UGT2A3: variants seen among roughly 807,000 people sequenced by gnomAD.
The protein encoded by UGT2A3 is UDP-glucuronosyltransferase 2A3.
UGT2A3 carries 55 observed loss-of-function variants against 44.1 expected under a neutral mutation model. That is an observed-to-expected ratio of 1.25 (90% CI 1.00 to 1.56). UGT2A3 has a LOEUF of 1.56. Among genes scored for constraint, UGT2A3 ranks in the 40% most tolerant of loss-of-function variants. The probability of loss-of-function intolerance (pLI) is 0.00; values close to 1 mark genes in which losing one functional copy is unlikely to be tolerated. For synonymous variants in UGT2A3, 243 were observed against 215.1 expected (o/e 1.13, Z -1.13); for missense variants, 733 against 621.6 (o/e 1.18, Z -1.91).
At chr4:68,944,702 C>T (rs1235205337) in intron 2 of UGT2A3, among the ~76,000 whole-genome samples, 2 of 151,696 alleles carry the variant, frequency 1.3e-5, no homozygotes, top group Non-Finnish European at 2.9e-5. Flanking sequence ...TTTATTAAAC[C>T]TCACCTAACA....
At chr4:68,945,033 C>T (rs1718333496) in intron 2 of UGT2A3, among the ~76,000 whole-genome samples, 1 of 151,646 alleles carries the variant, frequency 6.6e-6, no homozygotes, top group Non-Finnish European at 1.5e-5. Context: ...TTCATGGCTC[C>T]AATTCCCTAT....
At chr4:68,935,313 T>TGC (rs1478591040) in intron 2 of UGT2A3, among the ~76,000 whole-genome samples, 25 of 133,756 alleles carry the variant, frequency 1.9e-4, no homozygotes, top group Non-Finnish European at 3.4e-4. Context: ...TATATATATA[T>TGC]ATATGCATAA....
chr4:68,943,233 G>A, intron 2 of UGT2A3: 1 of 773,446 alleles, frequency 1.3e-6, no homozygotes, highest in Non-Finnish European at 1.8e-6. Flanking sequence ...GTGTGTGTGT[G>A]TAAAACTGGG....
intron 2 of UGT2A3, chr4:68,943,496 G>A (rs911464039): frequency 1.7e-5 from 5 of 301,244 alleles, no homozygotes; most frequent in African/African-American, 4.6e-5. Context: ...CTTCCTTATA[G>A]GATTTTGATT....
chr4:68,935,371 G>A (rs1432781681), intron 2 of UGT2A3, among the ~76,000 whole-genome samples: 1 of 146,430 alleles, frequency 6.8e-6, no homozygotes, highest in Non-Finnish European at 1.5e-5. Flanking sequence ...TTGCTGTTCT[G>A]CAGTATTTGC....
At chr4:68,936,906 A>AAAAAAAAAAC (rs1717975567) in intron 2 of UGT2A3, among the ~76,000 whole-genome samples, 1 of 149,652 alleles carries the variant, frequency 6.7e-6, no homozygotes. Flanking sequence ...AAAAAAAAAA[A>AAAAAAAAAAC]AAAGCAGAGG....
chr4:68,932,894 A>G (rs1278701974), intron 2 of UGT2A3, 135 bp from the exon 3 acceptor site: 1 of 856,518 alleles, frequency 1.2e-6, no homozygotes, highest in Non-Finnish European at 1.8e-6. Context: ...ATGCTGACAC[A>G]CAGAACTATC....
rs1717720552 is a variant in UGT2A3 at position 68,931,149 on chromosome 4, AC to A, written c.1084+5del. On this transcript the variant is annotated splice_donor_5th_base_variant and intron_variant, in intron 4 of 5. Coordinates refer to ENST00000251566, the MANE Select transcript of UGT2A3 (RefSeq NM_024743.4). ...AGTTCATATTTTTACTTTCTCATAGACCTACCAAGAAGATCATTCTGGGGTA... is the reference window on the plus strand; with the variant it reads ...AGTTCATATTTTTACTTTCTCATAGACTACCAAGAAGATCATTCTGGGGTA... The A allele has an allele frequency of 6.2e-7, 1 of 1,608,880 alleles. No individual in the cohort carries two copies. The highest frequency in any genetic ancestry group is 2.2e-5 in the East Asian group (1 of 44,768).
rs1472173779 is a variant in UGT2A3, at chr4:68,929,202, A to C, written c.*611T>G. The C allele has an allele frequency of 6.6e-6, 1 of 152,252 alleles. No individual in the cohort carries two copies. Among genetic ancestry groups the C allele is most frequent in the Non-Finnish European group, 1.5e-5 (1 of 67,996 alleles). 9.4% of individuals were successfully genotyped at this position (152,252 alleles called of 1,614,324 possible). On this transcript the variant is annotated 3_prime_UTR_variant, in exon 6 of 6. Transcript: ENST00000251566. ...TATCATCAAGAAAACAGAAAAAAGT[A>C]TTGGTTGAGTGATGGCAGAAATGTA...
intron 2 of UGT2A3, among the ~76,000 whole-genome samples, chr4:68,934,127 C>T (rs1290746996): frequency 2.6e-5 from 4 of 151,702 alleles, no homozygotes; most frequent in Non-Finnish European, 5.9e-5. Context: ...TTTGAAAATG[C>T]TTAAATATCC....
At chr4:68,939,518 C>T (rs1718104201) in intron 2 of UGT2A3, among the ~76,000 whole-genome samples, 1 of 152,030 alleles carries the variant, frequency 6.6e-6, no homozygotes, top group Non-Finnish European at 1.5e-5. Context: ...GAAACGGATC[C>T]CTTCTTACAT....
chr4:68,942,504 G>GATAGATATATAT (rs1553902065), intron 2 of UGT2A3, among the ~76,000 whole-genome samples: 1 of 131,032 alleles, frequency 7.6e-6, no homozygotes, highest in Non-Finnish European at 1.6e-5. Context: ...TTCCACTGGA[G>GATAGATATATAT]ATATATATAT....
At position 68,951,656 on chromosome 4, in the gene UGT2A3, A is replaced by T. The variant is rs141992024; in HGVS notation, c.105T>A (p.His35Gln). 1 of 1,612,406 alleles carries T rather than the reference A, an allele frequency of 6.2e-7. No individual in the cohort carries two copies. The highest frequency in any genetic ancestry group is 8.5e-7 in the Non-Finnish European group (1 of 1,179,356). Residue 35 changes from histidine to glutamine, a missense_variant, in exon 1 of 6, where the codon CAT becomes CAA. Physicochemically the swap from His to Gln is conservative, Grantham distance 24. Transcript: ENST00000251566. Reference sequence around the variant, plus strand: ...CTAGAATGACCTTGACATTAAGCCAATGGCTCATGTCACAGGGCCACACCA... The same window carrying T: ...CTAGAATGACCTTGACATTAAGCCATTGGCTCATGTCACAGGGCCACACCA... ...KVLVWPCDMSHWLNVKVILEE... is the reference protein window; with the variant it reads ...KVLVWPCDMSQWLNVKVILEE...
intron 5 of UGT2A3, 92 bp from the exon 6 acceptor site, chr4:68,930,184 C>A (rs2109774513): frequency 7.5e-7 from 1 of 1,341,796 alleles, no homozygotes; most frequent in East Asian, 2.3e-5. Context: ...GTTATGCAAG[C>A]CAAGAACATG....
At chr4:68,946,147 G>C (rs1342500916) in intron 1 of UGT2A3, among the ~76,000 whole-genome samples, 1 of 151,540 alleles carries the variant, frequency 6.6e-6, no homozygotes, top group African/African-American at 2.4e-5. Flanking sequence ...TGTTTTGAAG[G>C]AAAACACATT....
intron 1 of UGT2A3, among the ~76,000 whole-genome samples, chr4:68,949,830 A>T (rs1367845710): frequency 1.3e-5 from 2 of 151,854 alleles, no homozygotes; most frequent in Non-Finnish European, 2.9e-5. Context: ...ATAATAATCA[A>T]TAATTTAGTA....
chr4:68,935,082 T>G (rs1037523264), intron 2 of UGT2A3, among the ~76,000 whole-genome samples: 6 of 151,302 alleles, frequency 4.0e-5, no homozygotes, highest in African/African-American at 1.5e-4. Flanking sequence ...TAATAAAGTC[T>G]CATTAAAAAA....
chr4:68,943,209 G>T, intron 2 of UGT2A3: 1 of 503,192 alleles, frequency 2.0e-6, no homozygotes, highest in Non-Finnish European at 3.1e-6. Flanking sequence ...GTGTGTGTTT[G>T]TGTGTGTGTG....
At chr4:68,947,869 T>C (rs1006817819) in intron 1 of UGT2A3, among the ~76,000 whole-genome samples, 1 of 151,838 alleles carries the variant, frequency 6.6e-6, no homozygotes, top group South Asian at 2.1e-4. Flanking sequence ...GCTTAAAATA[T>C]TCAATAAGCC....
Sources: allele counts gnomAD v4.1 joint callset (sites outside exome capture counted in the v4.1 genomes callset), GRCh38; gene constraint gnomAD v4.1.1; transcripts MANE v1.5; gene names NCBI Gene and HGNC (gene_info 2026-07-23, HGNC 2026-07-21).